UBOX5: variants seen among roughly 807,000 people sequenced by gnomAD.
The protein encoded by UBOX5 is RING finger protein 37.
Under a neutral mutation model 39.0 loss-of-function variants are expected in UBOX5, and 28 were observed. That is an observed-to-expected ratio of 0.72 (90% confidence interval 0.53 to 0.98). UBOX5 has a LOEUF of 0.98. Among genes scored for constraint, UBOX5 ranks in the 50% least tolerant of loss-of-function variants. UBOX5 has a pLI of 0.00. For missense variants in UBOX5, 585 were observed against 674.4 expected (o/e 0.87, Z 1.47); for synonymous variants, 283 against 275.5 (o/e 1.03, Z -0.27).
At chr20:3,135,536 C>T (rs752425779) in intron 1 of UBOX5, among the ~76,000 whole-genome samples, 3 of 152,156 alleles carry the variant, frequency 2.0e-5, no homozygotes, top group African/African-American at 7.2e-5. Context: ...GTTTAGACTA[C>T]TTCACTTAGT....
At chr20:3,138,181 G>C (rs1190486992) in intron 1 of UBOX5, among the ~76,000 whole-genome samples, 2 of 151,902 alleles carry the variant, frequency 1.3e-5, no homozygotes, top group Non-Finnish European at 2.9e-5. Context: ...GCTGAGGTGA[G>C]AGAATGGCTT....
Position 3,149,944 on chromosome 20 carries a change from A to G in UBOX5, c.-42+9822T>C, listed in dbSNP as rs2255158. Among the ~76,000 whole-genome samples, 114,352 of 151,348 alleles carry G rather than the reference A, an allele frequency of 0.76. 44,504 individuals are homozygous for G. Among genetic ancestry groups the G allele is most frequent in the East Asian group, 0.99 (5,096 of 5,134 alleles). On this transcript the variant is annotated intron_variant, in intron 1 of 4. Transcript: ENST00000217173. The surrounding 1 kb of genome is among the most constrained non-coding windows in gnomAD (Gnocchi z 4.1). ...TGAGGCAGGAGAATCCCTTGAACCC[A>G]GGAGGCAGAGGTTGCGGTGAGCCAA...
chr20:3,132,906 G>A (rs1476517235), intron 1 of UBOX5, among the ~76,000 whole-genome samples: 1 of 151,526 alleles, frequency 6.6e-6, no homozygotes, highest in East Asian at 1.9e-4. Flanking sequence ...GGGATTGCTT[G>A]AGGTCAGAAG....
chr20:3,111,514 G>A lies in UBOX5; in HGVS notation c.1418-1200C>T, dbSNP rs149757687. 5.2e-3 allele frequency: 788 copies of A among 152,770 alleles called. 3 individuals are homozygous for A. The highest frequency in any genetic ancestry group is 0.027 in the Middle Eastern group (8 of 298). 9.5% of individuals were successfully genotyped at this position (152,770 alleles called of 1,614,324 possible). ...TCGGGACAGTCAAGACTCCCTGCAC[G>A]GCCCACCCAGCCTCCTCACCTCTCT... On this transcript the variant is annotated intron_variant, in intron 4 of 4. Coordinates refer to ENST00000217173, the MANE Select transcript of UBOX5 (RefSeq NM_014948.4).
chr20:3,114,354 G>T (rs1168289329), intron 4 of UBOX5, among the ~76,000 whole-genome samples: 1 of 152,124 alleles, frequency 6.6e-6, no homozygotes. Context: ...TAGGAGAAAA[G>T]AAGCAAAACA....
chr20:3,125,340 G>GCCA (rs2066374360), intron 1 of UBOX5, among the ~76,000 whole-genome samples: 1 of 123,732 alleles, frequency 8.1e-6, no homozygotes, highest in African/African-American at 3.1e-5. Context: ...CTGCCCGGCT[G>GCCA]CCCCGTCTGG....
chr20:3,146,991 T>C lies in UBOX5; in HGVS notation c.-42+12775A>G. The C allele has an allele frequency of 2.5e-6, 4 of 1,614,176 alleles. No individual in the cohort carries two copies. In the South Asian group the frequency reaches 3.3e-5, roughly 13 times the overall value. ...GTGAACTGAACAGCCAGCTTCATTC[T>C]TGGGGTCTGCATGCAGGCTGCGGGG... is the stretch of plus-strand genomic sequence containing the variant. On this transcript the variant is annotated intron_variant, in intron 1 of 4. Coordinates refer to ENST00000217173, the MANE Select transcript of UBOX5 (RefSeq NM_014948.4).
chr20:3,127,926 A>G (rs1216918078), intron 1 of UBOX5, among the ~76,000 whole-genome samples: 1 of 152,110 alleles, frequency 6.6e-6, no homozygotes, highest in Non-Finnish European at 1.5e-5. Flanking sequence ...CCCTGGCCTA[A>G]AGCCTCCTGT....
chr20:3,114,735 G>A (rs1484105138), intron 4 of UBOX5, among the ~76,000 whole-genome samples: 1 of 152,174 alleles, frequency 6.6e-6, no homozygotes, highest in Non-Finnish European at 1.5e-5. Context: ...GGATCACGAG[G>A]TCGGGAGTTC....
In UBOX5 at chr20:3,108,988, T is replaced by C. The variant is rs918829339; in HGVS notation, c.*1118A>G. 4 of 148,978 alleles carry C rather than the reference T, an allele frequency of 2.7e-5. No individual in the cohort carries two copies. The highest frequency in any genetic ancestry group is 5.9e-5 in the Non-Finnish European group (4 of 67,538). The allele number at this position is 148,978 out of a possible 1,614,324, so 9.2% of individuals were successfully genotyped here. A position where few individuals can be genotyped will look rare whatever the true frequency, so the allele number is the denominator to read the frequency against. On this transcript the variant is annotated 3_prime_UTR_variant, in exon 5 of 5. Transcript: ENST00000217173. ...CCCCAAACCCAGATCTCTAAAGTAT[T>C]GGGTGTGGACTAGAGCTCTGGACGG... is the stretch of plus-strand genomic sequence containing the variant.
At chr20:3,139,472 C>T (rs1390577101) in intron 1 of UBOX5, among the ~76,000 whole-genome samples, 6 of 152,176 alleles carry the variant, frequency 3.9e-5, no homozygotes, top group Non-Finnish European at 7.3e-5. Context: ...TCACTGCAAC[C>T]TCCCCGTCGT....
In UBOX5 at chr20:3,121,830, T is replaced by G. The variant is rs997193587; in HGVS notation, c.809A>C (p.Glu270Ala). The G allele has an allele frequency of 1.9e-5, 30 of 1,613,952 alleles. No individual in the cohort carries two copies. The highest frequency in any genetic ancestry group is 2.3e-5 in the Non-Finnish European group (27 of 1,180,042). ...CAGCAGCATGGGACAAGGCATGATC[T>G]CCAGGGTGATGGGATCCAGGAACTC... ...PEEFLDPITL[E>A]IMPCPMLLPS... The change falls in exon 3 of 5, where the codon GAG (glutamate) becomes GCG (alanine). Residue 270 changes from glutamate to alanine, a missense_variant. Transcript: ENST00000217173.
intron 1 of UBOX5, among the ~76,000 whole-genome samples, chr20:3,127,079 T>G: frequency 6.9e-6 from 1 of 144,744 alleles, no homozygotes; most frequent in African/African-American, 2.5e-5. Context: ...CTAATGCAAG[T>G]AGTCATTTTA....
chr20:3,158,851 A>C (rs995370377), intron 1 of UBOX5, among the ~76,000 whole-genome samples: 1 of 152,270 alleles, frequency 6.6e-6, no homozygotes, highest in Non-Finnish European at 1.5e-5. Context: ...AGTGAGCTAC[A>C]GAATCTAGTT....
chr20:3,124,726 C>G (rs1257638685), intron 1 of UBOX5, among the ~76,000 whole-genome samples: 4 of 150,410 alleles, frequency 2.7e-5, no homozygotes, highest in Non-Finnish European at 4.4e-5. Flanking sequence ...AGCGTCTCTG[C>G]CCGGCCGCCC....
At chr20:3,147,828 C>A (rs536082605) in intron 1 of UBOX5, 1 of 1,614,198 alleles carries the variant, frequency 6.2e-7, no homozygotes, top group East Asian at 2.2e-5. Context: ...AAAGACGCAG[C>A]CACTGCATTC....
intron 1 of UBOX5, among the ~76,000 whole-genome samples, chr20:3,128,097 T>C (rs1490767600): frequency 6.6e-6 from 1 of 152,260 alleles, no homozygotes; most frequent in Non-Finnish European, 1.5e-5. Context: ...TCCAGGCTTC[T>C]GATACCTTTC....
At chr20:3,145,553 C>T (rs1054486578) in intron 1 of UBOX5, among the ~76,000 whole-genome samples, 1 of 152,054 alleles carries the variant, frequency 6.6e-6, no homozygotes, top group Non-Finnish European at 1.5e-5. Context: ...GATCCTCCCA[C>T]CCAGCCTCCT....
intron 1 of UBOX5, among the ~76,000 whole-genome samples, chr20:3,133,963 C>T (rs909650854): frequency 5.3e-5 from 8 of 152,018 alleles, no homozygotes; most frequent in African/African-American, 1.9e-4. Context: ...CACCATGTTG[C>T]CCAGGCTCTT....
Sources: gnomAD v4.1 joint callset for allele counts (sites outside exome capture counted in the v4.1 genomes callset) on GRCh38, gnomAD v4.1.1 for gene constraint, Gnocchi (gnomAD v3.1) non-coding constraint, MANE v1.5 for transcripts, NCBI Gene and HGNC (gene_info 2026-07-23, HGNC 2026-07-21) for gene names.